Variants in MAP3K10 observed in about 807,000 individuals in gnomAD.
MAP3K10 encodes the protein MKN28 derived nonreceptor_type serine/threonine kinase.
In MAP3K10, 22 loss-of-function variants were observed where a neutral mutation model predicts 75.0. The ratio of observed to expected loss-of-function variants is 0.29; its 90% CI spans 0.21 to 0.42. MAP3K10 has a LOEUF of 0.42. MAP3K10 is among the 10% of genes least tolerant of loss of function. The pLI, the probability that MAP3K10 is intolerant of heterozygous loss-of-function variation, is 1.00. For missense variants in MAP3K10, 1,165 were observed against 1,379.8 expected, an observed-to-expected ratio of 0.84 and a Z score of 2.47; for synonymous variants, 599 against 612.9, an observed-to-expected ratio of 0.98 and a Z score of 0.34.
chr19:40,208,363 T>TTTTTTTTTTA (rs1555756664), intron 5 of MAP3K10, among the ~76,000 whole-genome samples: 6 of 111,880 alleles, frequency 5.4e-5, no homozygotes, highest in African/African-American at 7.3e-5. Context: ...TTTTTTTTTT[T>TTTTTTTTTTA]TTTTTTGTAT....
intron 1 of MAP3K10, among the ~76,000 whole-genome samples, chr19:40,196,961 G>A (rs1035094945): frequency 6.6e-6 from 1 of 152,176 alleles, no homozygotes; most frequent in Non-Finnish European, 1.5e-5. Flanking sequence ...AAGTAAGCTA[G>A]AACCATCCAG....
Position 40,198,617 on chromosome 19 carries a change from C to T in MAP3K10, c.863+62C>T. The T allele has an allele frequency of 6.7e-7, 1 of 1,495,198 alleles. No individual in the cohort carries two copies. Among genetic ancestry groups the T allele is most frequent in the Non-Finnish European group, 9.1e-7 (1 of 1,101,078 alleles). 92.6% of individuals were successfully genotyped at this position (1,495,198 alleles called of 1,614,324 possible). ...TAAGGGAGGGAGGAAGGGGTGAGGG[C>T]AGAGTGGGAGGGAGGGTCTCCTGCT... On this transcript the variant is annotated intron_variant, in intron 2 of 9. Coordinates refer to ENST00000253055, the MANE Select transcript of MAP3K10 (RefSeq NM_002446.4). The surrounding 1 kb of genome is among the most constrained non-coding windows in gnomAD (Gnocchi z 4.3).
In MAP3K10 at chr19:40,206,822, A is replaced by G. The variant is rs140834492; in HGVS notation, c.1435+665A>G. Among the ~76,000 whole-genome samples, 14 of 152,292 alleles carry G rather than the reference A, an allele frequency of 9.2e-5. No homozygotes were observed. In the East Asian group the frequency reaches 2.7e-3, roughly 29 times the overall value. ...AATATCTTTTAATCTGGCCAGGTGC[A>G]GTGGCTCACGCCTGTAATCCCAGCA... On this transcript the variant is annotated intron_variant, in intron 5 of 9. Transcript: ENST00000253055.
chr19:40,197,764 G>A (rs552572519), intron 1 of MAP3K10, among the ~76,000 whole-genome samples: 1 of 152,262 alleles, frequency 6.6e-6, no homozygotes, highest in South Asian at 2.1e-4. Flanking sequence ...CCTCCCTTCT[G>A]CCCCAGGTTT....
intron 6 of MAP3K10, among the ~76,000 whole-genome samples, chr19:40,209,433 G>A (rs540341273): frequency 3.4e-5 from 5 of 148,242 alleles, no homozygotes; most frequent in Non-Finnish European, 4.4e-5. Flanking sequence ...TTTGGAGACA[G>A]ACAGAGTCTC....
rs1197648740 is a variant in MAP3K10 at position 40,212,264 on chromosome 19, G to C, written c.1553-541G>C. ...TTCCTGGTGGGTTGAAGGGTGAAAG[G>C]CTAGCTCCCAAGTTCCAACACCTCA... On this transcript the variant is annotated intron_variant, in intron 6 of 9. Coordinates refer to ENST00000253055, the MANE Select transcript of MAP3K10 (RefSeq NM_002446.4). The surrounding 1 kb of genome is among the most constrained non-coding windows in gnomAD (Gnocchi z 4.2). Among the ~76,000 whole-genome samples the C allele has an allele frequency of 6.6e-6, 1 of 152,150 alleles. No homozygotes were observed. Among genetic ancestry groups the C allele is most frequent in the Admixed American group, 6.6e-5 (1 of 15,266 alleles).
chr19:40,195,364 G>A (rs1423007000), intron 1 of MAP3K10, among the ~76,000 whole-genome samples: 1 of 151,734 alleles, frequency 6.6e-6, no homozygotes, highest in Non-Finnish European at 1.5e-5. Flanking sequence ...GATACAAACA[G>A]GAGAGGTGGG....
At position 40,204,842 on chromosome 19, in the gene MAP3K10, AG is replaced by A. The variant is rs1973087485; in HGVS notation, c.1012+211del. On this transcript the variant is annotated intron_variant, in intron 3 of 9. Coordinates refer to ENST00000253055, the MANE Select transcript of MAP3K10 (RefSeq NM_002446.4). This position sits in a 1 kb window ranked among gnomAD's most constrained non-coding sequence, Gnocchi z 4.3. ...TGTTTGGGCCAGGCCCAGAGCTCTC[AG>A]GACAACCTGTTAGGATTCCTTGGCC... is the stretch of plus-strand genomic sequence containing the variant. The A allele has an allele frequency of 1.7e-5, 11 of 657,778 alleles. No individual in the cohort carries two copies. Among genetic ancestry groups the A allele is most frequent in the Non-Finnish European group, 2.3e-5 (9 of 391,636 alleles). 40.7% of individuals were successfully genotyped at this position (657,778 alleles called of 1,614,324 possible).
intron 2 of MAP3K10, among the ~76,000 whole-genome samples, chr19:40,200,532 G>A (rs1972995357): frequency 6.6e-6 from 1 of 151,070 alleles, no homozygotes. Context: ...CAGACAGGAA[G>A]TCTCCAGCTC....
At chr19:40,208,822 A>G (rs1335833200) in intron 5 of MAP3K10, among the ~76,000 whole-genome samples, 1 of 152,064 alleles carries the variant, frequency 6.6e-6, no homozygotes, top group Non-Finnish European at 1.5e-5. Context: ...TCCTTGATCC[A>G]CAAGAGCTCT....
Position 40,205,777 on chromosome 19 carries a change from G to T in MAP3K10, c.1189-134G>T, listed in dbSNP as rs139758383. On this transcript the variant is annotated intron_variant, in intron 4 of 9. Coordinates refer to ENST00000253055, the MANE Select transcript of MAP3K10 (RefSeq NM_002446.4). The surrounding 1 kb of genome is among the most constrained non-coding windows in gnomAD (Gnocchi z 4.3). ...CAGCTTGGCTAGCAAAGCATGAGTC[G>T]GGTGGTGAAACCAGTGTACCCCACA... 7.4e-6 allele frequency: 7 copies of T among 945,688 alleles called. No individual in the cohort carries two copies. In the Admixed American group the frequency reaches 1.7e-4, roughly 22 times the overall value. The allele number at this position is 945,688 out of a possible 1,614,324, so 58.6% of individuals were successfully genotyped here.
rs770762847 is a variant in MAP3K10, at chr19:40,213,997, C to T, written c.2318C>T (p.Ala773Val). 1 of 1,523,528 alleles carries T rather than the reference C, an allele frequency of 6.6e-7. No individual in the cohort carries two copies. Among genetic ancestry groups the T allele is most frequent in the Non-Finnish European group, 8.8e-7 (1 of 1,141,430 alleles). The allele number at this position is 1,523,528 out of a possible 1,614,324, so 94.4% of individuals were successfully genotyped here. ...GACAGTGACGAGGCCGCACCGGCCG[C>T]GCCCTCCCCACCACCCTCCCCGCCC... ...RSDSDEAAPAAPSPPPSPPAP... is the reference protein window; with the variant it reads ...RSDSDEAAPAVPSPPPSPPAP... The change falls in exon 9 of 10, where the codon GCG becomes GTG. Residue 773 changes from alanine to valine, a missense_variant. By Grantham distance (64) the Ala-to-Val change is moderately conservative. Transcript: ENST00000253055. This position sits in a 1 kb window ranked among gnomAD's most constrained non-coding sequence, Gnocchi z 5.7.
chr19:40,214,244 A>C (rs1438284143), intron 9 of MAP3K10, 23 bp downstream of exon 9: 2 of 1,371,294 alleles, frequency 1.5e-6, no homozygotes, highest in East Asian at 6.1e-5. Flanking sequence ...CCCTGCACCC[A>C]GGTCACAGAA....
chr19:40,211,823 A>G (rs1973246178), intron 6 of MAP3K10, among the ~76,000 whole-genome samples: 1 of 152,122 alleles, frequency 6.6e-6, no homozygotes, highest in Non-Finnish European at 1.5e-5. Flanking sequence ...TCCCAGGTTC[A>G]AGCGATTCTC....
chr19:40,200,979 C>A (rs893169051), intron 2 of MAP3K10, among the ~76,000 whole-genome samples: 13 of 151,902 alleles, frequency 8.6e-5, no homozygotes, highest in African/African-American at 2.9e-4. Context: ...CACACCTCCC[C>A]GCCATAAACT....
Position 40,205,550 on chromosome 19 carries a change from G to C in MAP3K10, c.1188+254G>C, listed in dbSNP as rs775357619. The stretch of plus-strand genomic sequence containing the variant: ...TTTAAAATACTACAGCAGAAACGAA[G>C]AGAGGGCAAGAGGAGAGAAGGACGG... On this transcript the variant is annotated intron_variant, in intron 4 of 9. Transcript: ENST00000253055. This position sits in a 1 kb window ranked among gnomAD's most constrained non-coding sequence, Gnocchi z 4.3. The C allele has an allele frequency of 2.9e-5, 16 of 553,726 alleles. No homozygotes were observed. Among genetic ancestry groups the C allele is most frequent in the Non-Finnish European group, 5.1e-5 (16 of 311,834 alleles). The allele number at this position is 553,726 out of a possible 1,614,324, so 34.3% of individuals were successfully genotyped here. A position where few individuals can be genotyped will look rare whatever the true frequency, so the allele number is the denominator to read the frequency against.
At chr19:40,203,573 T>G (rs547781488) in intron 2 of MAP3K10, among the ~76,000 whole-genome samples, 2 of 152,268 alleles carry the variant, frequency 1.3e-5, no homozygotes, top group East Asian at 3.9e-4. Flanking sequence ...GCTCCACCAC[T>G]CACTAGCTGT....
intron 1 of MAP3K10, among the ~76,000 whole-genome samples, chr19:40,193,317 T>C (rs1291908765): frequency 6.6e-6 from 1 of 152,074 alleles, no homozygotes; most frequent in Admixed American, 6.6e-5. Context: ...TTTCCTGGAG[T>C]CTTCATAGGC....
At chr19:40,200,507 G>C (rs942343890) in intron 2 of MAP3K10, among the ~76,000 whole-genome samples, 1 of 152,016 alleles carries the variant, frequency 6.6e-6, no homozygotes, top group Non-Finnish European at 1.5e-5. Context: ...TAATGGGTAT[G>C]GGACTGAGAC....
Sources: allele counts gnomAD v4.1 joint callset (sites outside exome capture counted in the v4.1 genomes callset), GRCh38; gene constraint gnomAD v4.1.1; non-coding constraint Gnocchi (gnomAD v3.1); transcripts MANE v1.5; gene names NCBI Gene and HGNC (gene_info 2026-07-23, HGNC 2026-07-21).